Variants in CNTNAP2 observed in about 807,000 individuals in gnomAD.
CNTNAP2 encodes contactin associated protein 2, also known as contactin-associated protein-like 2.
A neutral mutation model predicts 155.2 loss-of-function variants in CNTNAP2; 98 were observed. That is an observed-to-expected ratio of 0.63 (90% CI 0.54 to 0.75). The LOEUF (loss-of-function observed/expected upper bound fraction) is 0.75, where lower values mean the gene tolerates loss of function less well. Among genes scored for constraint, CNTNAP2 ranks in the 30% least tolerant of loss-of-function variants. CNTNAP2 has a pLI of 0.00. For missense variants in CNTNAP2, 1,727 were observed against 1,688.1 expected, an observed-to-expected ratio of 1.02 and a Z score of -0.40; for synonymous variants, 651 against 631.2, an observed-to-expected ratio of 1.03 and a Z score of -0.47.
intron 12 of CNTNAP2, among the ~76,000 whole-genome samples, chr7:147,585,983 A>G (rs919064078): frequency 2.6e-5 from 4 of 152,140 alleles, no homozygotes; most frequent in African/African-American, 9.7e-5. Context: ...TTTTAGGGAG[A>G]TTTAAAACTT....
At chr7:147,393,746 A>G (rs1352792926) in intron 9 of CNTNAP2, among the ~76,000 whole-genome samples, 2 of 151,912 alleles carry the variant, frequency 1.3e-5, no homozygotes, top group Admixed American at 6.6e-5. Context: ...CACACGAGCC[A>G]TATATTAACA....
chr7:148,308,331 AAAAC>A (rs1264727262), intron 21 of CNTNAP2, among the ~76,000 whole-genome samples: 2 of 152,040 alleles, frequency 1.3e-5, no homozygotes, highest in Non-Finnish European at 1.5e-5. Flanking sequence ...AACTTGGAAA[AAAAC>A]AAAGAGTTTA....
intron 13 of CNTNAP2, among the ~76,000 whole-genome samples, chr7:147,828,188 T>A (rs1798490589): frequency 6.6e-6 from 1 of 152,158 alleles, no homozygotes; most frequent in African/African-American, 2.4e-5. Flanking sequence ...ATTCTAGAGC[T>A]TTGTTCACTG....
chr7:147,220,665 G>T (rs893386114), intron 8 of CNTNAP2, among the ~76,000 whole-genome samples: 1 of 152,088 alleles, frequency 6.6e-6, no homozygotes, highest in Middle Eastern at 3.4e-3. Context: ...TGAGCATTTT[G>T]TATGATTACG....
chr7:147,211,173 T>C (rs1276856084), intron 8 of CNTNAP2, among the ~76,000 whole-genome samples: 5 of 152,110 alleles, frequency 3.3e-5, no homozygotes, highest in African/African-American at 9.6e-5. Context: ...CAAATTTAAG[T>C]CTAGAATTTC....
At chr7:146,563,236 A>G (rs1409729489) in intron 1 of CNTNAP2, among the ~76,000 whole-genome samples, 1 of 152,182 alleles carries the variant, frequency 6.6e-6, no homozygotes, top group Non-Finnish European at 1.5e-5. Flanking sequence ...CAATTCTGCA[A>G]CTATATTCTT....
At chr7:146,616,962 ATAAT>A (rs1799235414) in intron 1 of CNTNAP2, among the ~76,000 whole-genome samples, 1 of 152,224 alleles carries the variant, frequency 6.6e-6, no homozygotes, top group East Asian at 1.9e-4. Flanking sequence ...CTAGTTGGTT[ATAAT>A]TACGTGATTG....
chr7:146,335,484 C>T (rs1801258555), intron 1 of CNTNAP2, among the ~76,000 whole-genome samples: 1 of 152,164 alleles, frequency 6.6e-6, no homozygotes, highest in Admixed American at 6.5e-5. Context: ...TGTGCCCTCA[C>T]TATAAGAAGG....
intron 10 of CNTNAP2, among the ~76,000 whole-genome samples, chr7:147,468,114 T>G (rs1798151671): frequency 6.6e-6 from 1 of 151,928 alleles, no homozygotes; most frequent in African/African-American, 2.4e-5. Context: ...AGACCCCATC[T>G]CTACAAAAAA....
intron 1 of CNTNAP2, among the ~76,000 whole-genome samples, chr7:146,138,636 G>C (rs1033775256): frequency 2.0e-5 from 3 of 152,002 alleles, no homozygotes; most frequent in Non-Finnish European, 4.4e-5. Context: ...TAACATGTTT[G>C]ATCCTCTATA....
At chr7:147,262,946 G>C (rs987538953) in intron 8 of CNTNAP2, among the ~76,000 whole-genome samples, 14 of 152,196 alleles carry the variant, frequency 9.2e-5, no homozygotes, top group African/African-American at 3.4e-4. Flanking sequence ...TAAGCACCCA[G>C]TCTGTGTATT....
chr7:146,831,654 G>A (rs1034430803), intron 2 of CNTNAP2, among the ~76,000 whole-genome samples: 70 of 109,642 alleles, frequency 6.4e-4, no homozygotes, highest in African/African-American at 2.6e-3. Flanking sequence ...CCAGCCTGGC[G>A]ACAGAGCAAG....
intron 1 of CNTNAP2, among the ~76,000 whole-genome samples, chr7:146,753,554 T>C (rs1801942278): frequency 6.6e-6 from 1 of 152,106 alleles, no homozygotes; most frequent in Non-Finnish European, 1.5e-5. Context: ...TTCAATATTC[T>C]ATACTCAATT....
At chr7:147,816,305 T>C (rs1362099335) in intron 13 of CNTNAP2, among the ~76,000 whole-genome samples, 1 of 151,966 alleles carries the variant, frequency 6.6e-6, no homozygotes, top group Non-Finnish European at 1.5e-5. Context: ...ATTCTGAGGA[T>C]GGGGGATGGA....
chr7:146,227,333 C>A (rs1244575411), intron 1 of CNTNAP2, among the ~76,000 whole-genome samples: 1 of 145,688 alleles, frequency 6.9e-6, no homozygotes, highest in African/African-American at 2.6e-5. Context: ...GCTGAGACAG[C>A]AGAATTGCTT....
intron 18 of CNTNAP2, among the ~76,000 whole-genome samples, chr7:148,186,002 CA>C (rs1267141138): frequency 6.6e-6 from 1 of 152,126 alleles, no homozygotes; most frequent in Non-Finnish European, 1.5e-5. Context: ...AGGACTATTC[CA>C]AAAGACTTTT....
At chr7:146,622,679 G>A (rs1198611700) in intron 1 of CNTNAP2, among the ~76,000 whole-genome samples, 1 of 152,084 alleles carries the variant, frequency 6.6e-6, no homozygotes, top group Admixed American at 6.6e-5. Context: ...ATCCCAGGCT[G>A]GGCGCAGTGG....
At chr7:146,781,590 G>A (rs373605694) in intron 2 of CNTNAP2, among the ~76,000 whole-genome samples, 21 of 152,128 alleles carry the variant, frequency 1.4e-4, no homozygotes, top group African/African-American at 4.8e-4. Context: ...GTCCCCCTCC[G>A]GAAACGCGCT....
chr7:147,870,776 T>A (rs563645639), intron 13 of CNTNAP2, among the ~76,000 whole-genome samples: 61 of 152,078 alleles, frequency 4.0e-4, no homozygotes, highest in African/African-American at 1.4e-3. Flanking sequence ...CCTAGGAAAA[T>A]GGAACATAAG....
Sources: gnomAD v4.1 joint callset for allele counts (sites outside exome capture counted in the v4.1 genomes callset) on GRCh38, gnomAD v4.1.1 for gene constraint, MANE v1.5 for transcripts, NCBI Gene and HGNC (gene_info 2026-07-23, HGNC 2026-07-21) for gene names.